Variants in KCNMB3 observed in about 807,000 individuals in gnomAD.
The protein encoded by KCNMB3 is calcium-activated potassium channel subunit beta-3.
A neutral mutation model predicts 11.9 loss-of-function variants in KCNMB3; 18 were observed. That is an observed-to-expected ratio of 1.51 (90% CI 1.04 to 2.23). The LOEUF is 2.23. KCNMB3 is among the 30% of genes most tolerant of loss of function. The probability of loss-of-function intolerance (pLI) is 0.00; values close to 1 mark genes in which losing one functional copy is unlikely to be tolerated. For missense variants in KCNMB3, 247 were observed against 329.4 expected (o/e 0.75, Z 1.94); for synonymous variants, 78 against 119.2 (o/e 0.65, Z 2.25).
At chr3:179,241,215 G>T (rs552622971), downstream of KCNMB3, 66 of 152,098 alleles carry the variant, frequency 4.3e-4, no homozygotes, top group African/African-American at 1.4e-3. Flanking sequence ...AGTTTCACCT[G>T]CCCTACTTTG....
intron 1 of KCNMB3, among the ~76,000 whole-genome samples, chr3:179,258,201 A>C (rs775012258): frequency 9.8e-5 from 15 of 152,334 alleles, no homozygotes; most frequent in South Asian, 4.1e-4. Flanking sequence ...CATTTAAAAA[A>C]TGACTGTCCC....
intron 1 of KCNMB3, among the ~76,000 whole-genome samples, chr3:179,248,160 G>A (rs750755716): frequency 8.5e-5 from 13 of 152,132 alleles, no homozygotes; most frequent in Non-Finnish European, 1.9e-4. Context: ...AGAATGACAG[G>A]CATATTATTT....
chr3:179,258,792 AGAATG>A (rs1726104490), intron 1 of KCNMB3, among the ~76,000 whole-genome samples: 1 of 152,246 alleles, frequency 6.6e-6, no homozygotes, highest in African/African-American at 2.4e-5. Context: ...GCTCTCAATT[AGAATG>A]TACACTGATA....
intron 1 of KCNMB3, among the ~76,000 whole-genome samples, chr3:179,261,472 G>C (rs1726209595): frequency 1.3e-5 from 2 of 151,816 alleles, no homozygotes; most frequent in Non-Finnish European, 2.9e-5. Context: ...GGGCGCAGCC[G>C]GCAGGGGCGG....
At chr3:179,250,599 C>G in intron 1 of KCNMB3, 144 bp downstream of exon 1, 2 of 845,760 alleles carry the variant, frequency 2.4e-6, no homozygotes, top group Non-Finnish European at 3.7e-6. Flanking sequence ...GCACTGACAG[C>G]GGAAGAGGAA....
intron 1 of KCNMB3, among the ~76,000 whole-genome samples, chr3:179,266,404 G>A (rs554856660): frequency 1.3e-5 from 2 of 152,316 alleles, no homozygotes; most frequent in South Asian, 2.1e-4. Context: ...AGCTACAGGT[G>A]AGTTTAAAAG....
rs1726115637 is a variant in KCNMB3, at chr3:179,259,062, C to T, written c.62+7587G>A. On this transcript the variant is annotated intron_variant, in intron 1 of 3. Coordinates refer to the KCNMB3 transcript ENST00000349697. ...TTCTTTGCTTTTGCCCTTCTCGTTC[C>T]CTCCTCTGGTATCTTCTCTGCTTTC... 7 of 1,611,310 alleles carry T rather than the reference C, an allele frequency of 4.3e-6. No individual in the cohort carries two copies. In the East Asian group the frequency reaches 1.6e-4, roughly 36 times the overall value.
At chr3:179,256,407 G>C (rs972534165), upstream of KCNMB3, among the ~76,000 whole-genome samples, 1 of 152,064 alleles carries the variant, frequency 6.6e-6, no homozygotes, top group African/African-American at 2.4e-5. Flanking sequence ...CTGCACTCCA[G>C]CCTGGGCAAC....
At chr3:179,257,308 T>A (rs1255102658) in intron 1 of KCNMB3, among the ~76,000 whole-genome samples, 1 of 152,268 alleles carries the variant, frequency 6.6e-6, no homozygotes, top group Non-Finnish European at 1.5e-5. Context: ...ACTTATGTTT[T>A]CCTCAAATTT....
At chr3:179,250,665 C>T in intron 1 of KCNMB3, 78 bp downstream of exon 1, 2 of 1,436,160 alleles carry the variant, frequency 1.4e-6, no homozygotes, top group African/African-American at 1.4e-5. Context: ...GAAACCAAAG[C>T]CAGCCTCTCC....
chr3:179,254,266 A>C (rs575137245), upstream of KCNMB3, among the ~76,000 whole-genome samples: 1 of 152,328 alleles, frequency 6.6e-6, no homozygotes, highest in South Asian at 2.1e-4. Flanking sequence ...AGGAAATGGC[A>C]AGGAAAATGC....
exon 1 of KCNMB3, chr3:179,266,750 G>A (rs1436206346): frequency 6.2e-7 from 1 of 1,611,254 alleles, no homozygotes. Context: ...TTTCACCTGA[G>A]TCATGCCCCT....
upstream of KCNMB3, among the ~76,000 whole-genome samples, chr3:179,254,683 G>A (rs1008292204): frequency 6.6e-5 from 10 of 152,084 alleles, no homozygotes; most frequent in African/African-American, 1.7e-4. Context: ...GTGGTGGCAC[G>A]TGCCTGTAAT....
chr3:179,248,709 CAG>C (rs1167680794), intron 1 of KCNMB3, among the ~76,000 whole-genome samples: 2 of 137,990 alleles, frequency 1.4e-5, no homozygotes, highest in African/African-American at 5.4e-5. Flanking sequence ...GCCTGGGTGA[CAG>C]AGTGACACCC....
intron 1 of KCNMB3, chr3:179,261,091 A>G: frequency 8.7e-7 from 1 of 1,146,804 alleles, no homozygotes; most frequent in Non-Finnish European, 1.3e-6. Context: ...ACCCCTTCTC[A>G]GTAAAATATT....
At position 179,260,343 on chromosome 3, in the gene KCNMB3, T is replaced by A. The variant is rs184661640; in HGVS notation, c.62+6306A>T. 301 of 1,614,022 alleles carry A rather than the reference T, an allele frequency of 1.9e-4. No homozygotes were observed. The East Asian group carries it at 5.1e-3, about 27-fold the overall frequency. ...AATTTGGCTTTGAACCTGTTCCTCA[T>A]AGGTAGCACCTGCTAAGGTTCCTAG... is the stretch of plus-strand genomic sequence containing the variant. On this transcript the variant is annotated intron_variant, in intron 1 of 3. Transcript: ENST00000349697.
At chr3:179,260,704 T>G in intron 1 of KCNMB3, 1 of 1,410,584 alleles carries the variant, frequency 7.1e-7, no homozygotes, top group Non-Finnish European at 1.0e-6. Flanking sequence ...TCTCGAGCAT[T>G]TCCTCTGTTT....
At chr3:179,262,316 C>G (rs986463645) in intron 1 of KCNMB3, among the ~76,000 whole-genome samples, 6 of 152,144 alleles carry the variant, frequency 3.9e-5, no homozygotes, top group African/African-American at 1.2e-4. Context: ...TTCTTGGTCT[C>G]ACCGACTTCA....
At chr3:179,260,039 T>C in intron 1 of KCNMB3, 13 of 1,612,278 alleles carry the variant, frequency 8.1e-6, no homozygotes, top group Non-Finnish European at 1.1e-5. Context: ...AACTATGCCC[T>C]ATGCTTGTCT....
Sources: gnomAD v4.1 joint callset for allele counts (sites outside exome capture counted in the v4.1 genomes callset) on GRCh38, gnomAD v4.1.1 for gene constraint, MANE v1.5 for transcripts, NCBI Gene and HGNC (gene_info 2026-07-23, HGNC 2026-07-21) for gene names.